ZKSCAN7: variants seen among roughly 807,000 people sequenced by gnomAD.
ZKSCAN7 encodes zinc finger with KRAB and SCAN domains 7.
In ZKSCAN7, 38 loss-of-function variants were observed where a neutral mutation model predicts 65.3. That is an observed-to-expected ratio of 0.58 (90% CI 0.45 to 0.76). ZKSCAN7 has a LOEUF of 0.76. Among genes scored for constraint, ZKSCAN7 ranks in the 30% least tolerant of loss-of-function variants. ZKSCAN7 has a pLI of 0.00. For missense variants in ZKSCAN7, 815 were observed against 913.3 expected, an observed-to-expected ratio of 0.89 and a Z score of 1.39; for synonymous variants, 321 against 321.0, an observed-to-expected ratio of 1.00 and a Z score of 0.00.
chr3:44,566,055 T>C (rs956222553), intron 3 of ZKSCAN7, among the ~76,000 whole-genome samples: 7 of 152,168 alleles, frequency 4.6e-5, no homozygotes, highest in Admixed American at 6.6e-5. Context: ...GAAAAAGTGA[T>C]CACTGGGTAA....
At chr3:44,566,181 T>C (rs1416923790) in intron 3 of ZKSCAN7, among the ~76,000 whole-genome samples, 6 of 152,170 alleles carry the variant, frequency 3.9e-5, no homozygotes, top group Admixed American at 2.6e-4. Context: ...GTAGCAGGCA[T>C]GCCATTAGAA....
intron 5 of ZKSCAN7, among the ~76,000 whole-genome samples, chr3:44,577,192 C>T (rs140670238): frequency 1.3e-5 from 2 of 152,056 alleles, no homozygotes; most frequent in African/African-American, 2.4e-5. Flanking sequence ...AGACTTGAAC[C>T]CCTGGCCTCA....
chr3:44,556,744 GA>G (rs1324435080), intron 1 of ZKSCAN7, among the ~76,000 whole-genome samples, 185 bp from the exon 2 acceptor site: 1 of 152,190 alleles, frequency 6.6e-6, no homozygotes, highest in African/African-American at 2.4e-5. Flanking sequence ...TAGACATTTA[GA>G]TTTTATCCTG....
downstream of ZKSCAN7, among the ~76,000 whole-genome samples, chr3:44,573,213 C>A (rs934381968): frequency 1.3e-5 from 2 of 152,236 alleles, no homozygotes; most frequent in Non-Finnish European, 2.9e-5. Flanking sequence ...TTCCCTTCCA[C>A]CCTTGCAATA....
At chr3:44,582,299 G>T (rs1700105280) in intron 5 of ZKSCAN7, among the ~76,000 whole-genome samples, 2 of 152,240 alleles carry the variant, frequency 1.3e-5, no homozygotes, top group African/African-American at 4.8e-5. Context: ...TTTAAGGCAT[G>T]TGAGTGCTTT....
intron 2 of ZKSCAN7, 150 bp downstream of exon 2, chr3:44,557,620 G>A: frequency 1.9e-6 from 2 of 1,077,786 alleles, no homozygotes; most frequent in Admixed American, 5.7e-5. Flanking sequence ...ATAGTTTTGT[G>A]CTCCAAGCCA....
chr3:44,557,153 T>C lies in ZKSCAN7; in HGVS notation c.106T>C (p.Trp36Arg). 2 of 1,614,200 alleles carry C rather than the reference T, an allele frequency of 1.2e-6. No homozygotes were observed. The highest frequency in any genetic ancestry group is 1.7e-6 in the Non-Finnish European group (2 of 1,180,036). Residue 36 changes from tryptophan to arginine, a missense_variant, in exon 2 of 6, where the codon TGG becomes CGG. By Grantham distance (101) the Trp-to-Arg change is moderately radical. Transcript: ENST00000426540. ...TVKQEPANQT[W>R]GQGSSLQKNY... ...GAAGCAGGAGCCAGCAAACCAGACCTGGGGGCAGGGCAGCAGTCTCCAGAA... is the reference window on the plus strand; with the variant it reads ...GAAGCAGGAGCCAGCAAACCAGACCCGGGGGCAGGGCAGCAGTCTCCAGAA...
At position 44,557,716 on chromosome 3, in the gene ZKSCAN7, G is replaced by A. The variant is rs114356906; in HGVS notation, c.423+246G>A. The A allele has an allele frequency of 3.2e-3, 1,773 of 558,030 alleles. 22 individuals are homozygous for A. The highest frequency in any genetic ancestry group is 0.031 in the African/African-American group (1,623 of 53,198). 34.6% of individuals were successfully genotyped at this position (558,030 alleles called of 1,614,324 possible). ...GAGCCTAGCTTCATCCTGGAGATTC[G>A]CATGGTACTCCTGGCAGGCGGGGGA... On this transcript the variant is annotated intron_variant, in intron 2 of 5. Transcript: ENST00000426540.
intron 5 of ZKSCAN7, chr3:44,579,984 G>GA: frequency 1.3e-6 from 2 of 1,542,820 alleles, no homozygotes; most frequent in South Asian, 1.1e-5. Context: ...TTGGGGGGGG[G>GA]CTTCATTGGT....
At chr3:44,559,979 G>T (rs1246735245) in intron 2 of ZKSCAN7, among the ~76,000 whole-genome samples, 1 of 152,194 alleles carries the variant, frequency 6.6e-6, no homozygotes, top group African/African-American at 2.4e-5. Flanking sequence ...TAGTGAGGGT[G>T]GCAGAAGGAA....
downstream of ZKSCAN7, among the ~76,000 whole-genome samples, chr3:44,576,169 C>T (rs9876716): frequency 6.6e-6 from 1 of 152,042 alleles, no homozygotes; most frequent in Non-Finnish European, 1.5e-5. Context: ...ATCTGGAAAT[C>T]GTATTTACTA....
Position 44,571,472 on chromosome 3 carries a change from T to C in ZKSCAN7, c.*97T>C. ...GGTTTCCCGGAGCCAGTAGTCACGG[T>C]GGACCATTCCCTACTTGCTTTTCCT... On this transcript the variant is annotated 3_prime_UTR_variant, in exon 6 of 6. Coordinates refer to ENST00000426540, the MANE Select transcript of ZKSCAN7 (RefSeq NM_001288590.2). 1.3e-6 allele frequency: 2 copies of C among 1,596,342 alleles called. No homozygotes were observed. Among genetic ancestry groups the C allele is most frequent in the African/African-American group, 1.3e-5 (1 of 74,898 alleles).
downstream of ZKSCAN7, among the ~76,000 whole-genome samples, chr3:44,575,802 T>A (rs1699910726): frequency 6.6e-6 from 1 of 152,178 alleles, no homozygotes; most frequent in South Asian, 2.1e-4. Context: ...GGTCTCGAAT[T>A]CCCGACCTCA....
At chr3:44,579,980 G>T (rs948957144) in intron 5 of ZKSCAN7, 2 of 1,587,520 alleles carry the variant, frequency 1.3e-6, no homozygotes, top group Non-Finnish European at 1.7e-6. Flanking sequence ...GAGCTTGGGG[G>T]GGGGCTTCAT....
intron 3 of ZKSCAN7, among the ~76,000 whole-genome samples, chr3:44,566,664 G>T (rs1021906869): frequency 3.9e-5 from 6 of 151,958 alleles, no homozygotes; most frequent in South Asian, 2.1e-4. Context: ...GAGAGATAGG[G>T]TCTCACTCTG....
intron 2 of ZKSCAN7, among the ~76,000 whole-genome samples, chr3:44,564,562 G>T (rs1699574448): frequency 6.6e-6 from 1 of 152,184 alleles, no homozygotes; most frequent in Non-Finnish European, 1.5e-5. Flanking sequence ...AATTATAATT[G>T]GTTAATTGAG....
chr3:44,563,895 C>T (rs767728968), intron 2 of ZKSCAN7, among the ~76,000 whole-genome samples: 1 of 152,182 alleles, frequency 6.6e-6, no homozygotes, highest in Non-Finnish European at 1.5e-5. Flanking sequence ...GAGAGTCTTT[C>T]AGTTTCAAAG....
At chr3:44,566,977 A>G (rs546465497) in intron 3 of ZKSCAN7, among the ~76,000 whole-genome samples, 1 of 152,170 alleles carries the variant, frequency 6.6e-6, no homozygotes, top group African/African-American at 2.4e-5. Context: ...TTAGCCAGGC[A>G]TAGTGGCAGG....
downstream of ZKSCAN7, among the ~76,000 whole-genome samples, chr3:44,572,409 AGTGT>A (rs34720095): frequency 4.1e-5 from 6 of 144,672 alleles, no homozygotes; most frequent in Non-Finnish European, 6.1e-5. Context: ...AAAGAGAGAG[AGTGT>A]GTGTGTGTGT....
Sources: allele counts gnomAD v4.1 joint callset (sites outside exome capture counted in the v4.1 genomes callset), GRCh38; gene constraint gnomAD v4.1.1; transcripts MANE v1.5; gene names NCBI Gene and HGNC (gene_info 2026-07-23, HGNC 2026-07-21).